MAP3K7CL: variants seen among roughly 807,000 people sequenced by gnomAD.
MAP3K7CL encodes MAP3K7 C-terminal like, also known as MAP3K7 C-terminal-like protein.
A neutral mutation model predicts 18.6 loss-of-function variants in MAP3K7CL; 16 were observed. The observed-to-expected ratio is 0.86, with a 90% CI of 0.58 to 1.31. The LOEUF (loss-of-function observed/expected upper bound fraction) is 1.31. Among genes scored for constraint, MAP3K7CL ranks in the 50% most tolerant of loss-of-function variants. The pLI is 0.00. For synonymous variants in MAP3K7CL, 65 were observed against 66.8 expected, an observed-to-expected ratio of 0.97 and a Z score of 0.13; for missense variants, 163 against 174.4, an observed-to-expected ratio of 0.93 and a Z score of 0.37.
At chr21:29,140,368 A>G (rs2086979556) in intron 2 of MAP3K7CL, among the ~76,000 whole-genome samples, 1 of 152,218 alleles carries the variant, frequency 6.6e-6, no homozygotes, top group East Asian at 1.9e-4. Flanking sequence ...ATTGAGTACT[A>G]AGGAGTAGTG....
At chr21:29,088,010 C>T (rs961127050) in intron 1 of MAP3K7CL, among the ~76,000 whole-genome samples, 5 of 152,122 alleles carry the variant, frequency 3.3e-5, no homozygotes, top group African/African-American at 9.7e-5. Context: ...GAGGAAATTA[C>T]GATTGTATTT....
chr21:29,147,695 T>C (rs1412131465), intron 2 of MAP3K7CL, among the ~76,000 whole-genome samples: 1 of 151,860 alleles, frequency 6.6e-6, no homozygotes, highest in Non-Finnish European at 1.5e-5. Flanking sequence ...TGTATGTGTA[T>C]GTGTACTGTA....
intron 3 of MAP3K7CL, 95 bp from the exon 4 acceptor site, chr21:29,159,846 A>G (rs971922859): frequency 2.4e-5 from 22 of 909,428 alleles, no homozygotes; most frequent in Admixed American, 1.6e-4. Context: ...AAGAAGAAGA[A>G]AAAACCTTCG....
intron 4 of MAP3K7CL, among the ~76,000 whole-genome samples, chr21:29,107,537 T>G (rs2832178): frequency 0.52 from 78,875 of 151,968 alleles, 20,590 homozygotes; most frequent in East Asian, 0.64. Context: ...GTAGGCCTGT[T>G]CCCTGGTTCT....
chr21:29,099,539 A>G (rs2086184702), intron 4 of MAP3K7CL, among the ~76,000 whole-genome samples: 1 of 152,178 alleles, frequency 6.6e-6, no homozygotes, highest in African/African-American at 2.4e-5. Flanking sequence ...CATGGTTATC[A>G]TGGTTGTTAT....
chr21:29,078,294 A>AT (rs2085781620), intron 1 of MAP3K7CL, among the ~76,000 whole-genome samples: 1 of 151,970 alleles, frequency 6.6e-6, no homozygotes, highest in Non-Finnish European at 1.5e-5. Context: ...GCTTCAGGAT[A>AT]TTTTTGTTGT....
chr21:29,090,884 T>C (rs1342463956), intron 1 of MAP3K7CL, among the ~76,000 whole-genome samples: 2 of 152,172 alleles, frequency 1.3e-5, no homozygotes, highest in Non-Finnish European at 2.9e-5. Flanking sequence ...GCAAGCCATA[T>C]ATGTAATTTA....
chr21:29,110,457 C>T (rs62222398), intron 4 of MAP3K7CL, among the ~76,000 whole-genome samples: 4,495 of 151,974 alleles, frequency 0.03, 102 homozygotes, highest in Middle Eastern at 0.099. Flanking sequence ...AGTACAGTGG[C>T]GTGATCTCAG....
At chr21:29,117,896 T>C (rs539224943) in intron 4 of MAP3K7CL, among the ~76,000 whole-genome samples, 1 of 152,032 alleles carries the variant, frequency 6.6e-6, no homozygotes, top group African/African-American at 2.4e-5. Flanking sequence ...AGATTATCTT[T>C]ATTCTGTTCT....
At chr21:29,105,777 C>A (rs2086310445) in intron 4 of MAP3K7CL, among the ~76,000 whole-genome samples, 1 of 152,102 alleles carries the variant, frequency 6.6e-6, no homozygotes, top group Non-Finnish European at 1.5e-5. Flanking sequence ...CACCTCCCCA[C>A]ATTGTATGGG....
rs373618471 is a variant in MAP3K7CL, at chr21:29,144,279, C to G, written c.71-4910C>G. ...TCCTGGGTTCAAGCGATTCTTCTGT[C>G]TCAGCCTCCCGAGTAGCAGGGACAA... On this transcript the variant is annotated intron_variant, in intron 2 of 4. Coordinates refer to ENST00000399928, the MANE Select transcript of MAP3K7CL (RefSeq NM_001286620.2). Among the ~76,000 whole-genome samples the G allele has an allele frequency of 1.6e-4, 24 of 152,074 alleles. No homozygotes were observed. In the East Asian group the frequency reaches 4.6e-3, roughly 29 times the overall value.
intron 1 of MAP3K7CL, among the ~76,000 whole-genome samples, chr21:29,087,724 G>T (rs1264313628): frequency 1.3e-5 from 2 of 150,902 alleles, no homozygotes; most frequent in African/African-American, 4.9e-5. Flanking sequence ...CTCCTGAGTA[G>T]CTGGGACCAC....
chr21:29,092,288 C>G, intron 3 of MAP3K7CL: 11 of 640,234 alleles, frequency 1.7e-5, no homozygotes, highest in Non-Finnish European at 2.6e-5. Flanking sequence ...TGATGAGAAA[C>G]CTTTCCAGAT....
At chr21:29,097,453 T>A (rs569536360) in intron 4 of MAP3K7CL, among the ~76,000 whole-genome samples, 14 of 152,276 alleles carry the variant, frequency 9.2e-5, no homozygotes, top group African/African-American at 3.4e-4. Context: ...AGAACAAAAT[T>A]AAAATTTATT....
chr21:29,170,939 C>CT lies in MAP3K7CL; in HGVS notation c.249-3757dup, dbSNP rs367616302. On this transcript the variant is annotated intron_variant, in intron 4 of 4. Coordinates refer to ENST00000399928, the MANE Select transcript of MAP3K7CL (RefSeq NM_001286620.2). Reference sequence around the variant, plus strand: ...CAGGTGTGAGCCTCTGTGCCTGCCTCTTTTTTTTTTTTTTTTAATTTATAT... The same window carrying CT: ...CAGGTGTGAGCCTCTGTGCCTGCCTCTTTTTTTTTTTTTTTTTAATTTATAT... Among the ~76,000 whole-genome samples the CT allele has an allele frequency of 1.1e-3, 152 of 143,386 alleles. 1 individual carries two copies. Among genetic ancestry groups the CT allele is most frequent in the Middle Eastern group, 3.6e-3 (1 of 278 alleles). 94.1% of individuals were successfully genotyped at this position (143,386 alleles called of 152,430 possible).
intron 2 of MAP3K7CL, among the ~76,000 whole-genome samples, chr21:29,142,365 A>G (rs1224126068): frequency 6.6e-6 from 1 of 152,158 alleles, no homozygotes; most frequent in Non-Finnish European, 1.5e-5. Context: ...CTGCGCCTGG[A>G]CAGAAGATTC....
At chr21:29,152,394 C>A (rs1231728596) in intron 3 of MAP3K7CL, among the ~76,000 whole-genome samples, 1 of 152,192 alleles carries the variant, frequency 6.6e-6, no homozygotes, top group Admixed American at 6.5e-5. Flanking sequence ...TTACACAGAG[C>A]AGGCCATCTT....
At chr21:29,173,278 A>G (rs2087886752) in intron 4 of MAP3K7CL, among the ~76,000 whole-genome samples, 1 of 152,182 alleles carries the variant, frequency 6.6e-6, no homozygotes, top group African/African-American at 2.4e-5. Context: ...CCACATCTAC[A>G]TTATTATTGA....
chr21:29,096,072 G>A (rs1410058017), intron 4 of MAP3K7CL, among the ~76,000 whole-genome samples: 4 of 152,226 alleles, frequency 2.6e-5, no homozygotes, highest in Non-Finnish European at 5.9e-5. Flanking sequence ...GGCTGGATTA[G>A]GAGTTGAAAG....
Sources: gnomAD v4.1 joint callset for allele counts (sites outside exome capture counted in the v4.1 genomes callset) on GRCh38, gnomAD v4.1.1 for gene constraint, MANE v1.5 for transcripts, NCBI Gene and HGNC (gene_info 2026-07-23, HGNC 2026-07-21) for gene names.